The following LYPLAL1 variants were observed in gnomAD, a reference collection of about 807,000 sequenced individuals.
The protein encoded by LYPLAL1 is lysophospholipase-like protein 1.
Under a neutral mutation model 19.7 loss-of-function variants are expected in LYPLAL1, and 23 were observed. The observed-to-expected ratio is 1.17, with a 90% CI of 0.84 to 1.65. The LOEUF (loss-of-function observed/expected upper bound fraction) is 1.65, where lower values mean the gene tolerates loss of function less well. LYPLAL1 is among the 40% of genes most tolerant of loss of function. LYPLAL1 has a pLI of 0.00. For missense variants in LYPLAL1, 355 were observed against 279.4 expected (o/e 1.27, Z -1.93); for synonymous variants, 119 against 96.3 (o/e 1.24, Z -1.38).
the LYPLAL1 span, among the ~76,000 whole-genome samples, chr1:219,420,418 C>T: frequency 2.6e-5 from 4 of 152,156 alleles, no homozygotes; most frequent in African/African-American, 9.7e-5. Context: ...AAAAGATCAT[C>T]GTTGTATTGC....
the LYPLAL1 span, among the ~76,000 whole-genome samples, chr1:219,416,257 C>G: frequency 1.3e-5 from 2 of 152,178 alleles, no homozygotes; most frequent in East Asian, 3.8e-4. Context: ...TCTCCTTACA[C>G]TCCTCTTGGT....
the LYPLAL1 span, among the ~76,000 whole-genome samples, chr1:219,245,013 TTCC>T: frequency 6.7e-6 from 1 of 149,832 alleles, no homozygotes; most frequent in Non-Finnish European, 1.5e-5. Context: ...CTTTCTTTCC[TTCC>T]TCCCTCCCTC....
chr1:219,411,885 G>T, the LYPLAL1 span: 1 of 166,370 alleles, frequency 6.0e-6, no homozygotes, highest in South Asian at 1.9e-4. Flanking sequence ...AAGTCAGTGA[G>T]ACCAAGAACC....
the LYPLAL1 span, among the ~76,000 whole-genome samples, chr1:219,432,155 A>G: frequency 6.6e-6 from 1 of 152,208 alleles, no homozygotes; most frequent in African/African-American, 2.4e-5. Flanking sequence ...AAGAAACTTC[A>G]TGGGCAGTAA....
At chr1:219,407,429 A>G in the LYPLAL1 span, among the ~76,000 whole-genome samples, 1 of 152,240 alleles carries the variant, frequency 6.6e-6, no homozygotes, top group East Asian at 1.9e-4. Context: ...ACATTGACTA[A>G]AACACCATAA....
At chr1:219,408,619 G>C in the LYPLAL1 span, among the ~76,000 whole-genome samples, 1 of 151,974 alleles carries the variant, frequency 6.6e-6, no homozygotes, top group South Asian at 2.1e-4. Flanking sequence ...GCAGGGGCTG[G>C]GGGGGTGGTT....
chr1:219,391,943 C>T, the LYPLAL1 span, among the ~76,000 whole-genome samples: 14 of 152,144 alleles, frequency 9.2e-5, no homozygotes, highest in African/African-American at 3.1e-4. Flanking sequence ...TTGATATGTT[C>T]CCCATTCAAG....
the LYPLAL1 span, among the ~76,000 whole-genome samples, chr1:219,286,754 C>T: frequency 2.0e-5 from 3 of 152,214 alleles, no homozygotes; most frequent in African/African-American, 7.2e-5. Flanking sequence ...TTCAGCTCCA[C>T]AAAAACAGCC....
At chr1:219,418,514 A>T in the LYPLAL1 span, among the ~76,000 whole-genome samples, 1 of 152,206 alleles carries the variant, frequency 6.6e-6, no homozygotes. Flanking sequence ...TTGGGTTAAC[A>T]GCAAAACCAA....
At chr1:219,352,459 A>T in the LYPLAL1 span, among the ~76,000 whole-genome samples, 3 of 152,220 alleles carry the variant, frequency 2.0e-5, no homozygotes, top group Non-Finnish European at 4.4e-5. Context: ...TGGAGCTTGC[A>T]GTAAGCCGAG....
chr1:219,325,760 T>C, the LYPLAL1 span, among the ~76,000 whole-genome samples: 1 of 152,182 alleles, frequency 6.6e-6, no homozygotes, highest in Non-Finnish European at 1.5e-5. Flanking sequence ...TTAGCACATA[T>C]TGTTAATCCA....
chr1:219,345,903 G>A, the LYPLAL1 span, among the ~76,000 whole-genome samples: 3 of 152,140 alleles, frequency 2.0e-5, no homozygotes, highest in Non-Finnish European at 1.5e-5. Flanking sequence ...CACACTCAAC[G>A]AGTGGTTCTC....
chr1:219,419,594 C>CAGAGAGAGAGAGAGAG, the LYPLAL1 span, among the ~76,000 whole-genome samples: 2 of 99,530 alleles, frequency 2.0e-5, no homozygotes, highest in African/African-American at 8.0e-5. Context: ...CACACACACA[C>CAGAGAGAGAGAGAGAG]AGAGAGAGAG....
At chr1:219,281,756 C>A in the LYPLAL1 span, among the ~76,000 whole-genome samples, 3 of 152,140 alleles carry the variant, frequency 2.0e-5, no homozygotes, top group Non-Finnish European at 4.4e-5. Context: ...TATGCTGGTC[C>A]CTCCACACCC....
the LYPLAL1 span, among the ~76,000 whole-genome samples, chr1:219,318,335 A>G: frequency 3.3e-5 from 5 of 152,032 alleles, no homozygotes; most frequent in Non-Finnish European, 4.4e-5. Context: ...CAAGACTGAA[A>G]TATCCCCTTA....
chr1:219,340,966 T>C, the LYPLAL1 span, among the ~76,000 whole-genome samples: 1 of 152,090 alleles, frequency 6.6e-6, no homozygotes, highest in African/African-American at 2.4e-5. Context: ...CTCTGAGGGC[T>C]TCCTCTAAAC....
At chr1:219,328,541 T>A in the LYPLAL1 span, among the ~76,000 whole-genome samples, 1 of 152,110 alleles carries the variant, frequency 6.6e-6, no homozygotes, top group Non-Finnish European at 1.5e-5. Context: ...TCTGATAGAG[T>A]CATCATTCAG....
the LYPLAL1 span, among the ~76,000 whole-genome samples, chr1:219,360,358 C>A: frequency 1.3e-5 from 2 of 151,996 alleles, no homozygotes; most frequent in Non-Finnish European, 2.9e-5. Context: ...TTGGAGGTTG[C>A]CATAGTTCTC....
the LYPLAL1 span, among the ~76,000 whole-genome samples, chr1:219,218,700 TC>T: frequency 6.6e-6 from 1 of 152,112 alleles, no homozygotes; most frequent in Non-Finnish European, 1.5e-5. Context: ...CTAAGCATAT[TC>T]CTATATTGAA....
Sources: allele counts gnomAD v4.1 joint callset (sites outside exome capture counted in the v4.1 genomes callset), GRCh38; gene constraint gnomAD v4.1.1; transcripts MANE v1.5; gene names NCBI Gene and HGNC (gene_info 2026-07-23, HGNC 2026-07-21).